The following REEP1 variants were observed in gnomAD, a reference collection of about 807,000 sequenced individuals.
The protein encoded by REEP1 is receptor accessory protein 1, also known as receptor expression-enhancing protein 1.
Under a neutral mutation model 40.3 loss-of-function variants are expected in REEP1, and 22 were observed. The observed-to-expected ratio is 0.55, with a 90% confidence interval of 0.39 to 0.78. The LOEUF is 0.78. REEP1 is among the 30% of genes least tolerant of loss of function. The pLI is 0.00. For synonymous variants in REEP1, 116 were observed against 139.2 expected (o/e 0.83, Z 1.17); for missense variants, 280 against 361.1 (o/e 0.78, Z 1.82).
rs574080075 is a variant in REEP1, at chr2:86,306,370, A to T, written c.33-24128T>A. 7.9e-5 allele frequency among the ~76,000 whole-genome samples: 12 copies of T among 152,246 alleles called. No individual in the cohort carries two copies. The South Asian group carries it at 1.5e-3, about 18-fold the overall frequency. On this transcript the variant is annotated intron_variant, in intron 1 of 8. Coordinates refer to ENST00000538924, the MANE Select transcript of REEP1 (RefSeq NM_001371279.1). ...AAACACAAAGGCTCCTCTTCCCAAA[A>T]CACAGAATACACAAAAATATTTGAG...
chr2:86,233,688 G>A (rs1302675637), intron 5 of REEP1, among the ~76,000 whole-genome samples: 2 of 152,122 alleles, frequency 1.3e-5, no homozygotes. Context: ...AGAGTGGGAG[G>A]AGACTGGGGA....
At chr2:86,268,879 G>T (rs1052614164) in intron 2 of REEP1, among the ~76,000 whole-genome samples, 1 of 152,184 alleles carries the variant, frequency 6.6e-6, no homozygotes, top group Non-Finnish European at 1.5e-5. Context: ...GTAGAGAAAA[G>T]ATGGTCTTTT....
At chr2:86,254,613 T>C in intron 4 of REEP1, 81 bp downstream of exon 4, 2 of 1,470,778 alleles carry the variant, frequency 1.4e-6, no homozygotes, top group Non-Finnish European at 1.9e-6. Flanking sequence ...AGAAGTCTCC[T>C]GCAATAAGAT....
chr2:86,291,920 G>A (rs957648352), intron 1 of REEP1, among the ~76,000 whole-genome samples: 4 of 152,182 alleles, frequency 2.6e-5, no homozygotes, highest in Non-Finnish European at 5.9e-5. Flanking sequence ...CAAACATTCT[G>A]TAAATTTCCA....
chr2:86,279,462 C>T (rs1025386985), intron 2 of REEP1, among the ~76,000 whole-genome samples: 1 of 152,126 alleles, frequency 6.6e-6, no homozygotes, highest in African/African-American at 2.4e-5. Flanking sequence ...GGCAGGAGAA[C>T]CAGTTAGGAG....
intron 1 of REEP1, among the ~76,000 whole-genome samples, chr2:86,318,644 TG>T (rs1191801520): frequency 4.6e-5 from 7 of 152,082 alleles, no homozygotes; most frequent in Admixed American, 4.6e-4. Context: ...GTGATCCACT[TG>T]CCTTGGCGTT....
In REEP1 at chr2:86,337,615, C is replaced by T. The variant is rs1011223877; in HGVS notation, c.-105G>A. The T allele has an allele frequency of 1.8e-6, 2 of 1,122,518 alleles. No individual in the cohort carries two copies. Among genetic ancestry groups the T allele is most frequent in the Non-Finnish European group, 2.2e-6 (2 of 918,166 alleles). The allele number at this position is 1,122,518 out of a possible 1,614,324, so 69.5% of individuals were successfully genotyped here. A position where few individuals can be genotyped will look rare whatever the true frequency, so the allele number is the denominator to read the frequency against. On this transcript the variant is annotated 5_prime_UTR_variant, in exon 1 of 9. Transcript: ENST00000538924. This position sits in a 1 kb window ranked among gnomAD's most constrained non-coding sequence, Gnocchi z 5.8. ...GGAACGTCAGTCAGCTCACGGCAGC[C>T]GCCGCCAGACTGAGCGCGCCCGCCG...
chr2:86,232,556 G>A (rs867289153), intron 6 of REEP1, 69 bp downstream of exon 6: 39 of 1,561,498 alleles, frequency 2.5e-5, no homozygotes, highest in Admixed American at 8.4e-5. Flanking sequence ...GCCACACTGC[G>A]GACTGGGCCT....
At chr2:86,307,130 G>A (rs987402297) in intron 1 of REEP1, among the ~76,000 whole-genome samples, 1 of 151,868 alleles carries the variant, frequency 6.6e-6, no homozygotes, top group African/African-American at 2.4e-5. Context: ...CTTGAACCTG[G>A]GAGGTGGAGG....
At chr2:86,266,963 G>A (rs1677177277) in intron 2 of REEP1, among the ~76,000 whole-genome samples, 2 of 151,674 alleles carry the variant, frequency 1.3e-5, no homozygotes, top group Admixed American at 6.6e-5. Flanking sequence ...GCTGAGATTG[G>A]GCTACTGCAC....
At chr2:86,230,177 G>A (rs1674932078) in intron 6 of REEP1, among the ~76,000 whole-genome samples, 2 of 152,216 alleles carry the variant, frequency 1.3e-5, no homozygotes, top group South Asian at 2.1e-4. Context: ...CATGGAGAGT[G>A]GCAGAGCCAG....
At chr2:86,300,056 G>A (rs944295650) in intron 1 of REEP1, among the ~76,000 whole-genome samples, 1 of 152,176 alleles carries the variant, frequency 6.6e-6, no homozygotes, top group Non-Finnish European at 1.5e-5. Flanking sequence ...GTCCACCCCA[G>A]CAGATGCTTG....
In REEP1 at chr2:86,227,345, G is replaced by A. The variant is rs1674762941; in HGVS notation, c.631+18C>T. On this transcript the variant is annotated intron_variant, in intron 7 of 8. Transcript: ENST00000538924. ...GTGAGAGTCCAGCACGCTGCGGAGA[G>A]GCTGGCTGCTTACTCACCTTTCCAG... 8.1e-7 allele frequency: 1 copy of A among 1,232,200 alleles called. No homozygotes were observed. 76.3% of individuals were successfully genotyped at this position (1,232,200 alleles called of 1,614,324 possible). A position where few individuals can be genotyped will look rare whatever the true frequency, so the allele number is the denominator to read the frequency against.
At chr2:86,261,272 T>C (rs1280326204) in intron 3 of REEP1, among the ~76,000 whole-genome samples, 3 of 152,176 alleles carry the variant, frequency 2.0e-5, no homozygotes, top group African/African-American at 7.2e-5. Flanking sequence ...TCTACTCTCA[T>C]CTTTGTGAAT....
At chr2:86,238,592 A>C (rs1432913122) in intron 5 of REEP1, among the ~76,000 whole-genome samples, 5 of 152,200 alleles carry the variant, frequency 3.3e-5, no homozygotes, top group Non-Finnish European at 7.3e-5. Flanking sequence ...TCCCCACCTC[A>C]GCCTGATGCA....
intron 8 of REEP1, among the ~76,000 whole-genome samples, chr2:86,219,451 C>CTTTTTT (rs11350191): frequency 1.5e-5 from 2 of 129,978 alleles, no homozygotes; most frequent in African/African-American, 5.6e-5. Context: ...TTTTTCTTTT[C>CTTTTTT]TTTTTTTTTT....
chr2:86,270,972 G>A (rs1241585036), intron 2 of REEP1, among the ~76,000 whole-genome samples: 2 of 152,010 alleles, frequency 1.3e-5, no homozygotes, highest in African/African-American at 2.4e-5. Context: ...CAGGTGGATC[G>A]CTTGAGGCCA....
At chr2:86,271,533 A>T (rs1056357711) in intron 2 of REEP1, among the ~76,000 whole-genome samples, 2 of 152,226 alleles carry the variant, frequency 1.3e-5, no homozygotes, top group Non-Finnish European at 2.9e-5. Context: ...AGAATTCTAT[A>T]CCCAGCAAAA....
chr2:86,321,292 A>G (rs533643754), intron 1 of REEP1, among the ~76,000 whole-genome samples: 10 of 152,370 alleles, frequency 6.6e-5, no homozygotes, highest in Middle Eastern at 3.4e-3. Flanking sequence ...GAAAAGATCA[A>G]ATAAACCTAT....
Sources: allele counts gnomAD v4.1 joint callset (sites outside exome capture counted in the v4.1 genomes callset), GRCh38; gene constraint gnomAD v4.1.1; non-coding constraint Gnocchi (gnomAD v3.1); transcripts MANE v1.5; gene names NCBI Gene and HGNC (gene_info 2026-07-23, HGNC 2026-07-21).